Variants in UMODL1 observed in about 807,000 individuals in gnomAD.
UMODL1 encodes the protein uromodulin like 1.
UMODL1 carries 128 observed loss-of-function variants against 136.3 expected under a neutral mutation model. That is an observed-to-expected ratio of 0.94 (90% confidence interval 0.81 to 1.09). The LOEUF (loss-of-function observed/expected upper bound fraction) is 1.09. Among genes scored for constraint, UMODL1 ranks in the 50% least tolerant of loss-of-function variants. The pLI is 0.00. For synonymous variants in UMODL1, 721 were observed against 720.0 expected, an observed-to-expected ratio of 1.00 and a Z score of -0.02; for missense variants, 1,766 against 1,725.6, an observed-to-expected ratio of 1.02 and a Z score of -0.41.
Position 42,122,580 on chromosome 21 carries a change from T to C in UMODL1, c.2828-251T>C, listed in dbSNP as rs1601258597. 1.3e-5 allele frequency among the ~76,000 whole-genome samples: 1 copy of C among 74,754 alleles called. No individual in the cohort carries two copies. The highest frequency in any genetic ancestry group is 4.4e-4 in the South Asian group (1 of 2,272). The allele number at this position is 74,754 out of a possible 152,430, so 49.0% of individuals were successfully genotyped here. On this transcript the variant is annotated intron_variant, in intron 16 of 22. Coordinates refer to ENST00000408910, the MANE Select transcript of UMODL1 (RefSeq NM_001004416.3). The surrounding 1 kb of genome is among the most constrained non-coding windows in gnomAD (Gnocchi z 4.3). ...GTGTCTGCACGTGTGTGCGTGCGTG[T>C]GTGCATGTGTGTGCATGTGTGTGCA...
At chr21:42,138,397 G>A (rs1014789227) in intron 22 of UMODL1, among the ~76,000 whole-genome samples, 3 of 152,156 alleles carry the variant, frequency 2.0e-5, no homozygotes, top group South Asian at 4.2e-4. Context: ...CCGCAGCCCC[G>A]ACTTATGTAT....
At chr21:42,090,842 G>T (rs746748539) in intron 6 of UMODL1, among the ~76,000 whole-genome samples, 8 of 152,218 alleles carry the variant, frequency 5.3e-5, no homozygotes, top group Non-Finnish European at 1.0e-4. Context: ...GTTCTGTTTA[G>T]AAGTAATTCC....
At position 42,096,023 on chromosome 21, in the gene UMODL1, G is replaced by A. The variant is rs142860089; in HGVS notation, c.932-2903G>A. Among the ~76,000 whole-genome samples the A allele has an allele frequency of 2.3e-4, 35 of 152,224 alleles. No individual in the cohort carries two copies. In the East Asian group the frequency reaches 5.6e-3, roughly 24 times the overall value. ...CTACCGCTGCTATAATGCATGCTGC[G>A]TTAGCTTGGACACTGTGGACCTTAA... is the stretch of plus-strand genomic sequence containing the variant. On this transcript the variant is annotated intron_variant, in intron 6 of 22. Coordinates refer to ENST00000408910, the MANE Select transcript of UMODL1 (RefSeq NM_001004416.3).
intron 12 of UMODL1, 107 bp from the exon 13 acceptor site, chr21:42,113,466 C>G: frequency 1.4e-6 from 2 of 1,395,308 alleles, no homozygotes; most frequent in Non-Finnish European, 1.9e-6. Flanking sequence ...ACCTGCAAAT[C>G]GCTCATGTCC....
At chr21:42,087,867 G>A (rs763359467) in intron 4 of UMODL1, among the ~76,000 whole-genome samples, 12 of 152,194 alleles carry the variant, frequency 7.9e-5, no homozygotes, top group African/African-American at 7.2e-5. Flanking sequence ...GCCTGCAGAC[G>A]GCTGTCTTCT....
rs547157711 is a variant in UMODL1, at chr21:42,112,341, A to G, written c.2104+631A>G. ...TGCTCTGTATCTGCCTAGCTGTTCT[A>G]TATGCCCCAGAGATTCTGCATTTCC... On this transcript the variant is annotated intron_variant, in intron 12 of 22. Coordinates refer to ENST00000408910, the MANE Select transcript of UMODL1 (RefSeq NM_001004416.3). 6.8e-5 allele frequency among the ~76,000 whole-genome samples: 10 copies of G among 146,774 alleles called. No homozygotes were observed. The South Asian group carries it at 1.3e-3, about 19-fold the overall frequency.
At chr21:42,095,014 C>T (rs1011763668) in intron 6 of UMODL1, among the ~76,000 whole-genome samples, 11 of 151,472 alleles carry the variant, frequency 7.3e-5, no homozygotes, top group African/African-American at 2.7e-4. Flanking sequence ...GAATCCATTC[C>T]TTGCCTCTCT....
chr21:42,109,472 G>C, intron 9 of UMODL1, 90 bp from the exon 10 acceptor site: 1 of 1,558,054 alleles, frequency 6.4e-7, no homozygotes, highest in Non-Finnish European at 8.7e-7. Context: ...TGCAAAGACG[G>C]CTAGGAAGGA....
At chr21:42,125,451 C>G (rs1333172881) in intron 17 of UMODL1, among the ~76,000 whole-genome samples, 6 of 152,224 alleles carry the variant, frequency 3.9e-5, no homozygotes, top group Non-Finnish European at 7.3e-5. Flanking sequence ...ATTCCGCCCC[C>G]TCGGGGGCTC....
intron 2 of UMODL1, among the ~76,000 whole-genome samples, chr21:42,080,363 G>T (rs1017609372): frequency 6.6e-6 from 1 of 152,160 alleles, no homozygotes; most frequent in African/African-American, 2.4e-5. Flanking sequence ...CTCTGTGGCG[G>T]GGCCTCCAGG....
chr21:42,124,134 TC>T lies in UMODL1; in HGVS notation c.3147+987del, dbSNP rs537022205. Among the ~76,000 whole-genome samples the T allele has an allele frequency of 1.5e-3, 226 of 151,976 alleles. 2 individuals are homozygous for T. Among genetic ancestry groups the T allele is most frequent in the African/African-American group, 5.3e-3 (220 of 41,262 alleles). The stretch of plus-strand genomic sequence containing the variant: ...GGTGCCTCTGTGTCACAGCGAACGC[TC>T]CCATGCAGGCCCTTGTTCGTCTCCA... On this transcript the variant is annotated intron_variant, in intron 17 of 22. Coordinates refer to ENST00000408910, the MANE Select transcript of UMODL1 (RefSeq NM_001004416.3).
intron 13 of UMODL1, among the ~76,000 whole-genome samples, chr21:42,114,353 A>G (rs1294669177): frequency 6.6e-6 from 1 of 152,250 alleles, no homozygotes; most frequent in African/African-American, 2.4e-5. Context: ...ACAATATTAC[A>G]CATATTTGGA....
intron 5 of UMODL1, among the ~76,000 whole-genome samples, chr21:42,089,728 A>G (rs1211350109): frequency 2.0e-5 from 3 of 152,252 alleles, no homozygotes; most frequent in Admixed American, 6.5e-5. Flanking sequence ...AAGATAAGCC[A>G]TAGTTTGTAA....
chr21:42,109,316 G>A (rs1187533785), intron 9 of UMODL1, among the ~76,000 whole-genome samples: 1 of 152,192 alleles, frequency 6.6e-6, no homozygotes, highest in Non-Finnish European at 1.5e-5. Flanking sequence ...GCACACCCAT[G>A]GGTGCTAATA....
intron 12 of UMODL1, among the ~76,000 whole-genome samples, chr21:42,112,409 C>G (rs954711686): frequency 6.6e-6 from 1 of 150,434 alleles, no homozygotes; most frequent in African/African-American, 2.4e-5. Context: ...CTCCCCAGTT[C>G]TTCTGCACCC....
intron 9 of UMODL1, among the ~76,000 whole-genome samples, chr21:42,106,630 G>A (rs2066723947): frequency 6.6e-6 from 1 of 152,176 alleles, no homozygotes; most frequent in Non-Finnish European, 1.5e-5. Flanking sequence ...TCTTTCCCCA[G>A]GAGGTACGTA....
chr21:42,074,734 C>CT (rs1014979909), intron 1 of UMODL1, among the ~76,000 whole-genome samples: 8 of 151,758 alleles, frequency 5.3e-5, no homozygotes, highest in African/African-American at 1.5e-4. Context: ...TTGAACTGGT[C>CT]TTTTTTTTGA....
chr21:42,064,744 T>C (rs1373470514), intron 1 of UMODL1, among the ~76,000 whole-genome samples: 1 of 152,102 alleles, frequency 6.6e-6, no homozygotes, highest in Non-Finnish European at 1.5e-5. Context: ...TTAGTAGAGA[T>C]GGGTTTTTGC....
At chr21:42,074,767 T>C (rs1294695418) in intron 1 of UMODL1, among the ~76,000 whole-genome samples, 2 of 152,228 alleles carry the variant, frequency 1.3e-5, no homozygotes, top group East Asian at 3.9e-4. Flanking sequence ...CTCTGTCACC[T>C]AGGCTGGAGT....
Sources: allele counts gnomAD v4.1 joint callset (sites outside exome capture counted in the v4.1 genomes callset), GRCh38; gene constraint gnomAD v4.1.1; non-coding constraint Gnocchi (gnomAD v3.1); transcripts MANE v1.5; gene names NCBI Gene and HGNC (gene_info 2026-07-23, HGNC 2026-07-21).